PDGFC: variants seen among roughly 807,000 people sequenced by gnomAD.
PDGFC encodes platelet-derived growth factor C.
A neutral mutation model predicts 35.5 loss-of-function variants in PDGFC; 12 were observed. The observed-to-expected ratio is 0.34, with a 90% CI of 0.22 to 0.55. The LOEUF is 0.55. Ranked by LOEUF, PDGFC falls within the 20% of genes least tolerant of loss-of-function variation. PDGFC has a pLI of 0.91. For missense variants in PDGFC, 322 were observed against 412.4 expected (o/e 0.78, Z 1.90); for synonymous variants, 159 against 148.8 (o/e 1.07, Z -0.50).
chr4:156,962,165 A>G (rs1213683266), intron 1 of PDGFC, among the ~76,000 whole-genome samples: 1 of 152,112 alleles, frequency 6.6e-6, no homozygotes, highest in Admixed American at 6.5e-5. Context: ...GGGCCTTTGA[A>G]TGCATAGGTC....
chr4:156,777,221 T>A (rs536599629), intron 3 of PDGFC, among the ~76,000 whole-genome samples: 6 of 152,266 alleles, frequency 3.9e-5, no homozygotes, highest in African/African-American at 1.4e-4. Context: ...ATGTCTGGCT[T>A]ATAAATAGAA....
intron 1 of PDGFC, among the ~76,000 whole-genome samples, chr4:156,870,437 T>A (rs1458497109): frequency 6.6e-6 from 1 of 152,116 alleles, no homozygotes; most frequent in African/African-American, 2.4e-5. Context: ...TTGTCTTAAG[T>A]CTTGAATGAA....
intron 3 of PDGFC, among the ~76,000 whole-genome samples, chr4:156,788,703 T>G (rs1437444230): frequency 2.0e-5 from 3 of 152,256 alleles, no homozygotes; most frequent in East Asian, 3.9e-4. Flanking sequence ...AGAGGACTAT[T>G]TAAGTTGGTT....
At chr4:156,797,236 TAA>T (rs1330451729) in intron 3 of PDGFC, among the ~76,000 whole-genome samples, 1 of 117,982 alleles carries the variant, frequency 8.5e-6, no homozygotes, top group Non-Finnish European at 1.8e-5. Context: ...ACAATCAGTC[TAA>T]AAAAAAAAAA....
At chr4:156,944,665 T>C (rs1050168766) in intron 1 of PDGFC, among the ~76,000 whole-genome samples, 2 of 152,040 alleles carry the variant, frequency 1.3e-5, no homozygotes, top group Non-Finnish European at 2.9e-5. Context: ...CGCCTGACAA[T>C]CCATCTCAAC....
At chr4:156,855,649 A>G (rs986083993) in intron 1 of PDGFC, among the ~76,000 whole-genome samples, 8 of 152,172 alleles carry the variant, frequency 5.3e-5, no homozygotes, top group African/African-American at 1.9e-4. Context: ...TTCTCACTCT[A>G]TAAATTGATA....
intron 1 of PDGFC, among the ~76,000 whole-genome samples, chr4:156,870,434 A>C (rs1729953744): frequency 6.6e-6 from 1 of 152,140 alleles, no homozygotes; most frequent in Non-Finnish European, 1.5e-5. Flanking sequence ...TTTTTGTCTT[A>C]AGTCTTGAAT....
chr4:156,810,837 T>C lies in PDGFC; in HGVS notation c.495A>G (p.Pro165=), dbSNP rs1185690885. Residue 165 remains proline (P), a splice_region_variant and synonymous_variant, in exon 3 of 6, where the codon CCA becomes CCG. Coordinates refer to ENST00000502773, the MANE Select transcript of PDGFC (RefSeq NM_016205.3). ...AAGGGGATCTGAAAGTGGTACTTAC[T>C]GGCATGACAATGTTGTAGTGGATGC... ...GFCIHYNIVM[P]QFTEAVSPSV... 2 of 1,579,472 alleles carry C rather than the reference T, an allele frequency of 1.3e-6. No homozygotes were observed. Among genetic ancestry groups the C allele is most frequent in the Admixed American group, 1.7e-5 (1 of 57,308 alleles).
intron 3 of PDGFC, among the ~76,000 whole-genome samples, chr4:156,782,297 G>C (rs1440032696): frequency 6.6e-6 from 1 of 151,968 alleles, no homozygotes; most frequent in Non-Finnish European, 1.5e-5. Flanking sequence ...CATATTCTTT[G>C]CCTATAAAAT....
intron 1 of PDGFC, among the ~76,000 whole-genome samples, chr4:156,853,047 C>T (rs937261754): frequency 3.3e-5 from 5 of 152,156 alleles, no homozygotes; most frequent in Non-Finnish European, 7.3e-5. Flanking sequence ...GGAATCCTAA[C>T]TGACAGAACT....
Position 156,792,164 on chromosome 4 carries a change from A to G in PDGFC, c.495+18673T>C, listed in dbSNP as rs151269853. Among the ~76,000 whole-genome samples, 426 of 152,310 alleles carry G rather than the reference A, an allele frequency of 2.8e-3. 3 individuals are homozygous for G. Among genetic ancestry groups the G allele is most frequent in the Non-Finnish European group, 4.7e-3 (321 of 68,020 alleles). ...TGAAATTCTTAATGTTCTAAATTCA[A>G]AAGTAGCACACTGAATCTGGTGGGT... On this transcript the variant is annotated intron_variant, in intron 3 of 5. Transcript: ENST00000502773.
intron 1 of PDGFC, among the ~76,000 whole-genome samples, chr4:156,928,083 C>T (rs1731458762): frequency 1.3e-5 from 2 of 152,194 alleles, no homozygotes; most frequent in African/African-American, 4.8e-5. Flanking sequence ...GAGACTTATT[C>T]ACTACCATGA....
At chr4:156,903,654 C>A (rs1730846860) in intron 1 of PDGFC, among the ~76,000 whole-genome samples, 1 of 152,048 alleles carries the variant, frequency 6.6e-6, no homozygotes, top group Non-Finnish European at 1.5e-5. Flanking sequence ...ATAAGATAAA[C>A]ATAGCAATTC....
intron 2 of PDGFC, among the ~76,000 whole-genome samples, chr4:156,823,802 TCACAG>T (rs1732339455): frequency 6.6e-6 from 1 of 152,160 alleles, no homozygotes; most frequent in Non-Finnish European, 1.5e-5. Context: ...TCAGCAGTAT[TCACAG>T]TAACTATGAT....
At chr4:156,809,975 T>A (rs556083626) in intron 3 of PDGFC, among the ~76,000 whole-genome samples, 169 of 152,026 alleles carry the variant, frequency 1.1e-3, no homozygotes, top group Non-Finnish European at 1.9e-3. Context: ...AATATTTCAC[T>A]TTGTGAAAGT....
intron 3 of PDGFC, among the ~76,000 whole-genome samples, chr4:156,782,963 TG>T (rs1398394104): frequency 6.6e-6 from 1 of 152,182 alleles, no homozygotes; most frequent in African/African-American, 2.4e-5. Flanking sequence ...CTTTAGGTAA[TG>T]ACTATAACGG....
chr4:156,786,411 G>A (rs796300683), intron 3 of PDGFC, among the ~76,000 whole-genome samples: 49 of 152,290 alleles, frequency 3.2e-4, no homozygotes, highest in African/African-American at 1.1e-3. Context: ...AGAAGCTGAC[G>A]TGCAAGCAAA....
intron 1 of PDGFC, among the ~76,000 whole-genome samples, chr4:156,878,936 T>C (rs1191457106): frequency 2.6e-5 from 4 of 152,224 alleles, no homozygotes; most frequent in African/African-American, 4.8e-5. Context: ...ACTACCATGA[T>C]GCTTGACACT....
Position 156,782,871 on chromosome 4 carries a change from T to C in PDGFC, c.496-9978A>G, listed in dbSNP as rs1382552970. ...CATTCAGTAGACTATATTATACTCC[T>C]GTCACGTGCTCACAACAAATGAAGA... On this transcript the variant is annotated intron_variant, in intron 3 of 5. Transcript: ENST00000502773. Among the ~76,000 whole-genome samples, 2 of 152,186 alleles carry C rather than the reference T, an allele frequency of 1.3e-5. 1 individual carries two copies.
Sources: gnomAD v4.1 joint callset for allele counts (sites outside exome capture counted in the v4.1 genomes callset) on GRCh38, gnomAD v4.1.1 for gene constraint, MANE v1.5 for transcripts, NCBI Gene and HGNC (gene_info 2026-07-23, HGNC 2026-07-21) for gene names.